The following CSMD1 variants were observed in gnomAD, a reference collection of about 807,000 sequenced individuals.
CSMD1 encodes the protein CUB and Sushi multiple domains 1.
In CSMD1, 213 loss-of-function variants were observed where a neutral mutation model predicts 417.5. That is an observed-to-expected ratio of 0.51 (90% confidence interval 0.46 to 0.57). The LOEUF is 0.57. Among genes scored for constraint, CSMD1 ranks in the 20% least tolerant of loss-of-function variants. The pLI is 0.00. For missense variants in CSMD1, 6,923 were observed against 4,529.7 expected, an observed-to-expected ratio of 1.53 and a Z score of -15.17; for synonymous variants, 2,862 against 1,736.8, an observed-to-expected ratio of 1.65 and a Z score of -16.11.
intron 7 of CSMD1, among the ~76,000 whole-genome samples, chr8:3,664,956 C>T (rs1390314055): frequency 6.6e-6 from 1 of 152,070 alleles, no homozygotes; most frequent in Non-Finnish European, 1.5e-5. Context: ...GATTTCAATA[C>T]ATTCTTTAAA....
intron 3 of CSMD1, among the ~76,000 whole-genome samples, chr8:4,182,062 A>C (rs897636911): frequency 7.9e-5 from 12 of 151,622 alleles, no homozygotes; most frequent in African/African-American, 2.9e-4. Context: ...GTGTGTGTGT[A>C]TACCTAAATT....
chr8:4,279,976 T>TG (rs1796691760), intron 3 of CSMD1, among the ~76,000 whole-genome samples: 1 of 152,234 alleles, frequency 6.6e-6, no homozygotes, highest in Non-Finnish European at 1.5e-5. Context: ...CAAAGGATAC[T>TG]GGTGTTTCAA....
chr8:4,885,282 G>A (rs952414211), intron 1 of CSMD1, among the ~76,000 whole-genome samples: 2 of 151,996 alleles, frequency 1.3e-5, no homozygotes, highest in Non-Finnish European at 2.9e-5. Context: ...AGAAATGAGA[G>A]ATAGTTTTCC....
chr8:4,755,836 C>T (rs897885831), intron 1 of CSMD1, among the ~76,000 whole-genome samples: 7 of 152,154 alleles, frequency 4.6e-5, no homozygotes, highest in Admixed American at 3.9e-4. Context: ...CATTAAATCA[C>T]TCCTAGATGA....
At chr8:3,491,141 G>A (rs6558783) in intron 11 of CSMD1, among the ~76,000 whole-genome samples, 11,050 of 152,196 alleles carry the variant, frequency 0.073, 542 homozygotes, top group Middle Eastern at 0.11. Context: ...AGAATGCGGT[G>A]AGAGCGTGAG....
intron 3 of CSMD1, among the ~76,000 whole-genome samples, chr8:4,159,616 T>A (rs1311098893): frequency 2.0e-5 from 3 of 151,950 alleles, no homozygotes; most frequent in African/African-American, 7.3e-5. Flanking sequence ...TGAGACAGAG[T>A]CTCACTCTGT....
At chr8:3,848,054 C>T (rs1472642831) in intron 5 of CSMD1, among the ~76,000 whole-genome samples, 1 of 148,982 alleles carries the variant, frequency 6.7e-6, no homozygotes. Flanking sequence ...AATCTTCTTA[C>T]CATCCTGGTG....
At chr8:4,842,508 T>G (rs957938093) in intron 1 of CSMD1, among the ~76,000 whole-genome samples, 1 of 152,202 alleles carries the variant, frequency 6.6e-6, no homozygotes, top group Non-Finnish European at 1.5e-5. Flanking sequence ...AATGACTTAC[T>G]AAAAAATGTA....
chr8:3,930,068 A>G (rs1045532616), intron 5 of CSMD1, among the ~76,000 whole-genome samples: 2 of 150,360 alleles, frequency 1.3e-5, no homozygotes, highest in African/African-American at 4.9e-5. Flanking sequence ...TGTGTTACCT[A>G]GGCATGTTTT....
At position 4,127,776 on chromosome 8, in the gene CSMD1, T is replaced by C. The variant is rs185868925; in HGVS notation, c.416-95677A>G. Reference sequence around the variant, plus strand: ...CAAGTCTTGACATATATTGTCTCATTTAATCTTTACTCTGAAGTAGATGGT... The same window carrying C: ...CAAGTCTTGACATATATTGTCTCATCTAATCTTTACTCTGAAGTAGATGGT... On this transcript the variant is annotated intron_variant, in intron 3 of 69. Coordinates refer to ENST00000635120, the MANE Select transcript of CSMD1 (RefSeq NM_033225.6). Among the ~76,000 whole-genome samples, 124 of 152,330 alleles carry C rather than the reference T, an allele frequency of 8.1e-4. 1 individual carries two copies. The highest frequency in any genetic ancestry group is 1.6e-4 in the Non-Finnish European group (11 of 68,026).
intron 1 of CSMD1, among the ~76,000 whole-genome samples, chr8:4,727,405 T>C (rs1809531965): frequency 6.6e-6 from 1 of 152,134 alleles, no homozygotes; most frequent in African/African-American, 2.4e-5. Flanking sequence ...ACTCCATAAG[T>C]GCACTACCCA....
chr8:3,374,967 C>A (rs1237006785), intron 18 of CSMD1, among the ~76,000 whole-genome samples: 1 of 152,174 alleles, frequency 6.6e-6, no homozygotes, highest in African/African-American at 2.4e-5. Flanking sequence ...GCAGTTGAAG[C>A]ACGCAGACAA....
Position 4,032,035 on chromosome 8 carries a change from T to A in CSMD1, c.480A>T (p.Arg160Ser). 3 of 1,613,972 alleles carry A rather than the reference T, an allele frequency of 1.9e-6. No homozygotes were observed. Among genetic ancestry groups the A allele is most frequent in the Non-Finnish European group, 1.7e-6 (2 of 1,179,870 alleles). Reference sequence around the variant, plus strand: ...ACCGGATTTTGTCTCCTATGTTGAATCTCGTTCCATGCAGAACTCCTTTCA... The same window carrying A: ...ACCGGATTTTGTCTCCTATGTTGAAACTCGTTCCATGCAGAACTCCTTTCA... ...EILKGVLHGT[R>S]FNIGDKIRYS... Residue 160 changes from arginine to serine, a missense_variant, in exon 4 of 70, where the codon AGA becomes AGT. Transcript: ENST00000635120.
chr8:3,047,213 CAAAAAA>C (rs749861179), intron 50 of CSMD1, among the ~76,000 whole-genome samples: 110 of 73,074 alleles, frequency 1.5e-3, no homozygotes, highest in South Asian at 6.0e-3. Context: ...GACTCCCTCT[CAAAAAA>C]AAAAAAAAAA....
chr8:3,662,609 T>G (rs910521343), intron 7 of CSMD1, among the ~76,000 whole-genome samples: 1 of 152,160 alleles, frequency 6.6e-6, no homozygotes, highest in Non-Finnish European at 1.5e-5. Context: ...CCTTGAAGAA[T>G]CTCCACACTG....
At chr8:4,305,357 A>T (rs751535817) in intron 3 of CSMD1, among the ~76,000 whole-genome samples, 2 of 152,158 alleles carry the variant, frequency 1.3e-5, no homozygotes, top group Non-Finnish European at 2.9e-5. Flanking sequence ...CCGAACTGGA[A>T]TCTAAGGGGC....
chr8:3,294,338 G>A (rs143519300), intron 25 of CSMD1, among the ~76,000 whole-genome samples: 61 of 152,318 alleles, frequency 4.0e-4, no homozygotes, highest in African/African-American at 1.3e-3. Flanking sequence ...GATCCACTAC[G>A]CTCTTCAAAG....
At chr8:4,619,523 C>G (rs1301698063) in intron 2 of CSMD1, among the ~76,000 whole-genome samples, 1 of 152,064 alleles carries the variant, frequency 6.6e-6, no homozygotes, top group Non-Finnish European at 1.5e-5. Flanking sequence ...AACTCTGAGT[C>G]CAAACGTTTT....
intron 8 of CSMD1, among the ~76,000 whole-genome samples, chr8:3,604,058 T>C (rs529628617): frequency 6.6e-6 from 1 of 152,282 alleles, no homozygotes; most frequent in African/African-American, 2.4e-5. Context: ...AAAAGTAAAA[T>C]TAAATAACTT....
Sources: allele counts gnomAD v4.1 joint callset (sites outside exome capture counted in the v4.1 genomes callset), GRCh38; gene constraint gnomAD v4.1.1; transcripts MANE v1.5; gene names NCBI Gene and HGNC (gene_info 2026-07-23, HGNC 2026-07-21).